The following NEGR1 variants were observed in gnomAD, a reference collection of about 807,000 sequenced individuals.
The protein encoded by NEGR1 is IgLON family member 4.
A neutral mutation model predicts 40.9 loss-of-function variants in NEGR1; 10 were observed. The observed-to-expected ratio is 0.24, with a 90% CI of 0.15 to 0.42. The LOEUF is 0.42. Among genes scored for constraint, NEGR1 ranks in the 10% least tolerant of loss-of-function variants. The pLI, the probability that NEGR1 is intolerant of heterozygous loss-of-function variation, is 1.00. For missense variants in NEGR1, 352 were observed against 438.9 expected, an observed-to-expected ratio of 0.80 and a Z score of 1.77; for synonymous variants, 185 against 166.8, an observed-to-expected ratio of 1.11 and a Z score of -0.84.
At chr1:72,158,937 TAATTCA>T (rs1651458235) in intron 1 of NEGR1, among the ~76,000 whole-genome samples, 1 of 152,176 alleles carries the variant, frequency 6.6e-6, no homozygotes, top group Admixed American at 6.6e-5. Flanking sequence ...ACCTAAGATC[TAATTCA>T]ACATGTTAAA....
chr1:72,144,152 A>G (rs1650818557), intron 1 of NEGR1, among the ~76,000 whole-genome samples: 1 of 151,228 alleles, frequency 6.6e-6, no homozygotes, highest in Non-Finnish European at 1.5e-5. Context: ...AATTTTGAGT[A>G]GAATGTTCCA....
chr1:71,645,067 A>G (rs960721235), intron 4 of NEGR1, among the ~76,000 whole-genome samples: 4 of 151,974 alleles, frequency 2.6e-5, no homozygotes, highest in African/African-American at 9.7e-5. Context: ...ATCTATATTA[A>G]GGTGTTCTTT....
intron 1 of NEGR1, among the ~76,000 whole-genome samples, chr1:72,225,543 C>A (rs1226815152): frequency 6.6e-6 from 1 of 151,304 alleles, no homozygotes; most frequent in Non-Finnish European, 1.5e-5. Context: ...TTCTAGCATT[C>A]ATAATTGTGC....
At chr1:72,054,320 T>C (rs1424694190) in intron 1 of NEGR1, among the ~76,000 whole-genome samples, 6 of 151,310 alleles carry the variant, frequency 4.0e-5, no homozygotes, top group Non-Finnish European at 8.9e-5. Flanking sequence ...AGCTGTATCT[T>C]AGCATTTTCC....
intron 1 of NEGR1, among the ~76,000 whole-genome samples, chr1:72,083,592 GA>G (rs145783033): frequency 0.015 from 2,336 of 151,728 alleles, 57 homozygotes; most frequent in African/African-American, 0.054. Flanking sequence ...GAATTCGATA[GA>G]AAAAAAAGAA....
chr1:71,829,494 A>T (rs1658763386), intron 2 of NEGR1, among the ~76,000 whole-genome samples: 1 of 151,864 alleles, frequency 6.6e-6, no homozygotes, highest in South Asian at 2.1e-4. Context: ...CAGCTCTGCA[A>T]TACCTCAGGC....
At chr1:71,969,690 A>C (rs1646240402) in intron 1 of NEGR1, among the ~76,000 whole-genome samples, 1 of 152,214 alleles carries the variant, frequency 6.6e-6, no homozygotes, top group Non-Finnish European at 1.5e-5. Flanking sequence ...TTCATGAAGA[A>C]AATAACAGAA....
At chr1:71,829,678 C>T (rs1342118066) in intron 2 of NEGR1, among the ~76,000 whole-genome samples, 2 of 151,772 alleles carry the variant, frequency 1.3e-5, no homozygotes, top group African/African-American at 2.4e-5. Context: ...AACAAAAAAA[C>T]GTAAACAAAA....
In NEGR1 at chr1:71,403,682, T is replaced by G. The variant is rs1646259554; in HGVS notation, c.*3764A>C. On this transcript the variant is annotated 3_prime_UTR_variant, in exon 7 of 7. Coordinates refer to ENST00000357731, the MANE Select transcript of NEGR1 (RefSeq NM_173808.3). Reference sequence around the variant, plus strand: ...AGCAGAAATATCTTCAAATTATTATTTCTTCCTTCTTTCTCTTAAGCTAAT... The same window carrying G: ...AGCAGAAATATCTTCAAATTATTATGTCTTCCTTCTTTCTCTTAAGCTAAT... 1 of 329,928 alleles carries G rather than the reference T, an allele frequency of 3.0e-6. No individual in the cohort carries two copies. Among genetic ancestry groups the G allele is most frequent in the African/African-American group, 2.1e-5 (1 of 47,314 alleles). 20.4% of individuals were successfully genotyped at this position (329,928 alleles called of 1,614,324 possible). A position where few individuals can be genotyped will look rare whatever the true frequency, so the allele number is the denominator to read the frequency against.
In NEGR1 at chr1:71,424,086, A is replaced by AT. The variant is rs1033100303; in HGVS notation, c.941-16517_941-16516insA. ...GACGCTAATAGTTAGGACTTTAAAG[A>AT]AAAAAAAAAACCTTTAAAATTTGTT... is the stretch of plus-strand genomic sequence containing the variant. On this transcript the variant is annotated intron_variant, in intron 6 of 6. Coordinates refer to ENST00000357731, the MANE Select transcript of NEGR1 (RefSeq NM_173808.3). 9.0e-3 allele frequency among the ~76,000 whole-genome samples: 7 copies of AT among 780 alleles called. No homozygotes were observed. In the Non-Finnish European group the frequency reaches 0.3, roughly 33 times the overall value. 0.5% of individuals were successfully genotyped at this position (780 alleles called of 152,430 possible). A position where few individuals can be genotyped will look rare whatever the true frequency, so the allele number is the denominator to read the frequency against.
At chr1:71,526,550 G>A (rs1279765966) in intron 6 of NEGR1, among the ~76,000 whole-genome samples, 1 of 151,358 alleles carries the variant, frequency 6.6e-6, no homozygotes, top group Non-Finnish European at 1.5e-5. Context: ...ACAGAGAGAG[G>A]TGGGAGTCAT....
intron 1 of NEGR1, among the ~76,000 whole-genome samples, chr1:72,117,048 G>GA (rs1227827687): frequency 6.6e-6 from 1 of 151,708 alleles, no homozygotes; most frequent in African/African-American, 2.4e-5. Context: ...CTTTGGCTCA[G>GA]AAAAAAGTGA....
At position 71,512,204 on chromosome 1, in the gene NEGR1, G is replaced by A. The variant is rs1367512267; in HGVS notation, c.940+80613C>T. On this transcript the variant is annotated intron_variant, in intron 6 of 6. Coordinates refer to ENST00000357731, the MANE Select transcript of NEGR1 (RefSeq NM_173808.3). ...AAATAACTATCAATTACATTCAAAT[G>A]GATCTTTTCTGATATGAAATGTTCT... Among the ~76,000 whole-genome samples, 4 of 151,840 alleles carry A rather than the reference G, an allele frequency of 2.6e-5. No homozygotes were observed. The East Asian group carries it at 7.7e-4, about 29-fold the overall frequency.
intron 3 of NEGR1, among the ~76,000 whole-genome samples, chr1:71,715,315 T>A (rs1205881489): frequency 3.9e-5 from 6 of 152,200 alleles, no homozygotes; most frequent in African/African-American, 1.2e-4. Flanking sequence ...GGACCTGCCA[T>A]GAAGACATCT....
rs923155027 is a variant in NEGR1 at position 71,401,431 on chromosome 1, A to C, written c.*6015T>G. ...TTTATTCATTTCATAAGTGTATGAA[A>C]ATCACACTTTTTATGTTTTTCAAAC... On this transcript the variant is annotated 3_prime_UTR_variant, in exon 7 of 7. Coordinates refer to ENST00000357731, the MANE Select transcript of NEGR1 (RefSeq NM_173808.3). 7.9e-5 allele frequency: 12 copies of C among 152,324 alleles called. No homozygotes were observed. The highest frequency in any genetic ancestry group is 1.5e-4 in the Non-Finnish European group (10 of 68,028). The allele number at this position is 152,324 out of a possible 1,614,324, so 9.4% of individuals were successfully genotyped here. A position where few individuals can be genotyped will look rare whatever the true frequency, so the allele number is the denominator to read the frequency against.
chr1:71,603,059 TATA>T (rs1169706841), intron 5 of NEGR1, among the ~76,000 whole-genome samples: 1 of 152,144 alleles, frequency 6.6e-6, no homozygotes, highest in African/African-American at 2.4e-5. Context: ...CATAGCAAAA[TATA>T]ATAATGAGAT....
chr1:71,752,032 A>G (rs1455820884), intron 3 of NEGR1, among the ~76,000 whole-genome samples: 1 of 152,200 alleles, frequency 6.6e-6, no homozygotes, highest in African/African-American at 2.4e-5. Flanking sequence ...TAGTTGAAGA[A>G]AAAATGTAGA....
chr1:72,055,006 GCA>G (rs1291976907), intron 1 of NEGR1, among the ~76,000 whole-genome samples: 1 of 151,000 alleles, frequency 6.6e-6, no homozygotes, highest in Non-Finnish European at 1.5e-5. Context: ...AACACTTATA[GCA>G]CGTCTCATCT....
chr1:72,100,654 T>C (rs755465379), intron 1 of NEGR1: 6 of 152,210 alleles, frequency 3.9e-5, no homozygotes, highest in Non-Finnish European at 7.4e-5. Flanking sequence ...AGCAATTATT[T>C]GATGAGTGTC....
Sources: gnomAD v4.1 joint callset for allele counts (sites outside exome capture counted in the v4.1 genomes callset) on GRCh38, gnomAD v4.1.1 for gene constraint, MANE v1.5 for transcripts, NCBI Gene and HGNC (gene_info 2026-07-23, HGNC 2026-07-21) for gene names.